CHRNA3: variants seen among roughly 807,000 people sequenced by gnomAD.
CHRNA3 encodes the protein neuronal acetylcholine receptor subunit alpha-3.
In CHRNA3, 34 loss-of-function variants were observed where a neutral mutation model predicts 41.9. The observed-to-expected ratio is 0.81, with a 90% CI of 0.62 to 1.08. The LOEUF is 1.08. Among genes scored for constraint, CHRNA3 ranks in the 50% least tolerant of loss-of-function variants. CHRNA3 has a pLI of 0.00. For synonymous variants in CHRNA3, 281 were observed against 265.2 expected (o/e 1.06, Z -0.58); for missense variants, 542 against 638.3 (o/e 0.85, Z 1.63).
intron 4 of CHRNA3, among the ~76,000 whole-genome samples, chr15:78,614,506 C>T (rs2141341821): frequency 6.6e-6 from 1 of 152,254 alleles, no homozygotes; most frequent in Middle Eastern, 3.4e-3. Context: ...TGAGTAAAGA[C>T]CCACTTTTGT....
downstream of CHRNA3, chr15:78,593,076 A>T (rs757656190): frequency 5.6e-6 from 9 of 1,596,240 alleles, no homozygotes; most frequent in East Asian, 6.7e-5. Flanking sequence ...ATGCATTTTT[A>T]TTTTTTTCCT....
Position 78,597,374 on chromosome 15 carries a change from T to C in CHRNA3, c.1390-642A>G, listed in dbSNP as rs1401301239. ...TGAACCCGGGAGGCGGAGGTTGCAG[T>C]GAGCAGAGATCACGCCACTGCACTC... is the stretch of plus-strand genomic sequence containing the variant. On this transcript the variant is annotated intron_variant, in intron 5 of 5. Coordinates refer to ENST00000326828, the MANE Select transcript of CHRNA3 (RefSeq NM_000743.5). Among the ~76,000 whole-genome samples the C allele has an allele frequency of 2.0e-5, 3 of 152,214 alleles. No individual in the cohort carries two copies. The East Asian group carries it at 5.8e-4, about 29-fold the overall frequency.
intron 4 of CHRNA3, among the ~76,000 whole-genome samples, chr15:78,613,195 T>C (rs969592848): frequency 9.9e-5 from 15 of 152,176 alleles, no homozygotes; most frequent in Admixed American, 9.8e-4. Context: ...AGAAATACCA[T>C]TTGACCCAGC....
At chr15:78,617,538 AC>A (rs1187951462) in intron 3 of CHRNA3, among the ~76,000 whole-genome samples, 1 of 151,800 alleles carries the variant, frequency 6.6e-6, no homozygotes, top group Non-Finnish European at 1.5e-5. Context: ...ACACTCTTTC[AC>A]CCCAAGGTTA....
At chr15:78,610,485 T>C (rs912545867) in intron 4 of CHRNA3, among the ~76,000 whole-genome samples, 2 of 152,214 alleles carry the variant, frequency 1.3e-5, no homozygotes, top group Admixed American at 1.3e-4. Context: ...ACTGGGTACA[T>C]AACGAAAGGT....
chr15:78,607,218 CAAAA>C (rs34822304), intron 4 of CHRNA3, among the ~76,000 whole-genome samples: 14 of 111,244 alleles, frequency 1.3e-4, no homozygotes, highest in Admixed American at 1.8e-4. Flanking sequence ...ACTCTGTCTC[CAAAA>C]AAAAAAAAAA....
intron 5 of CHRNA3, among the ~76,000 whole-genome samples, chr15:78,599,019 A>G (rs559548286): frequency 1.5e-3 from 225 of 150,472 alleles, no homozygotes; most frequent in African/African-American, 5.5e-3. Context: ...TTGTATTTTT[A>G]GTAGAGATGG....
At chr15:78,609,007 T>A (rs980381735) in intron 4 of CHRNA3, among the ~76,000 whole-genome samples, 1 of 151,894 alleles carries the variant, frequency 6.6e-6, no homozygotes, top group Non-Finnish European at 1.5e-5. Context: ...ATGAATGAAA[T>A]GAAGTGAGAA....
In CHRNA3 at chr15:78,595,373, G is replaced by A; in HGVS notation, c.*1231C>T. ...GTGAGACAAGATTCAAACAGTCTCT[G>A]TGAATCATCTGTCAGTGGTGATGAT... On this transcript the variant is annotated 3_prime_UTR_variant, in exon 6 of 6. Transcript: ENST00000326828. 1 of 648,944 alleles carries A rather than the reference G, an allele frequency of 1.5e-6. No homozygotes were observed. The highest frequency in any genetic ancestry group is 1.8e-6 in the Non-Finnish European group (1 of 542,510). The allele number at this position is 648,944 out of a possible 1,614,324, so 40.2% of individuals were successfully genotyped here.
chr15:78,614,574 C>G (rs2053434043), intron 4 of CHRNA3, among the ~76,000 whole-genome samples: 1 of 152,188 alleles, frequency 6.6e-6, no homozygotes, highest in Non-Finnish European at 1.5e-5. Context: ...CTAGTCCTGA[C>G]ACTAACTGTA....
intron 4 of CHRNA3, 124 bp from the exon 5 acceptor site, chr15:78,602,388 G>A: frequency 8.8e-7 from 1 of 1,134,186 alleles, no homozygotes. Flanking sequence ...GAGAGCTAAA[G>A]TGCCATAAAA....
intron 4 of CHRNA3, among the ~76,000 whole-genome samples, chr15:78,604,990 G>A (rs543515556): frequency 8.4e-6 from 1 of 118,616 alleles, no homozygotes; most frequent in Non-Finnish European, 1.8e-5. Context: ...TCCAGCCTGG[G>A]TGACAGAGTG....
chr15:78,611,004 T>TC (rs908586539), intron 4 of CHRNA3, among the ~76,000 whole-genome samples: 2 of 151,922 alleles, frequency 1.3e-5, no homozygotes, highest in African/African-American at 4.8e-5. Flanking sequence ...ACATACACTC[T>TC]CCCAAGACTA....
At chr15:78,612,267 T>A (rs1056501903) in intron 4 of CHRNA3, among the ~76,000 whole-genome samples, 1 of 150,470 alleles carries the variant, frequency 6.6e-6, no homozygotes, top group African/African-American at 2.5e-5. Flanking sequence ...AAGTCAATCC[T>A]AAGCCAAAAG....
intron 4 of CHRNA3, among the ~76,000 whole-genome samples, chr15:78,615,093 G>A (rs1239044801): frequency 6.6e-6 from 1 of 152,174 alleles, no homozygotes; most frequent in Non-Finnish European, 1.5e-5. Context: ...AGTCTTTTTA[G>A]TCCTGGACTC....
Position 78,595,462 on chromosome 15 carries a change from C to G in CHRNA3, c.*1142G>C, listed in dbSNP as rs2053089461. On this transcript the variant is annotated 3_prime_UTR_variant, in exon 6 of 6. Coordinates refer to ENST00000326828, the MANE Select transcript of CHRNA3 (RefSeq NM_000743.5). Reference sequence around the variant, plus strand: ...ACAATTTGTCTAAAGCAATGTTTCTCAACCAGGGGCAATTTTGCTCCTAAG... The same window carrying G: ...ACAATTTGTCTAAAGCAATGTTTCTGAACCAGGGGCAATTTTGCTCCTAAG... 3 of 975,010 alleles carry G rather than the reference C, an allele frequency of 3.1e-6. No individual in the cohort carries two copies. The highest frequency in any genetic ancestry group is 3.7e-6 in the Non-Finnish European group (3 of 820,568). The allele number at this position is 975,010 out of a possible 1,614,324, so 60.4% of individuals were successfully genotyped here. A position where few individuals can be genotyped will look rare whatever the true frequency, so the allele number is the denominator to read the frequency against.
chr15:78,604,286 C>T (rs886593700), intron 4 of CHRNA3, among the ~76,000 whole-genome samples: 1 of 152,156 alleles, frequency 6.6e-6, no homozygotes, highest in African/African-American at 2.4e-5. Context: ...TTAGAGAAAA[C>T]ATTTGCTAGC....
At chr15:78,615,210 G>C (rs2053442701) in intron 4 of CHRNA3, among the ~76,000 whole-genome samples, 1 of 152,186 alleles carries the variant, frequency 6.6e-6, no homozygotes, top group African/African-American at 2.4e-5. Flanking sequence ...CACATACTTG[G>C]GGGGCTATCA....
chr15:78,619,145 T>C, intron 1 of CHRNA3: 1 of 580,916 alleles, frequency 1.7e-6, no homozygotes, highest in Non-Finnish European at 3.1e-6. Context: ...GCACAGTGGT[T>C]GCAAGCCTGG....
Sources: allele counts gnomAD v4.1 joint callset (sites outside exome capture counted in the v4.1 genomes callset), GRCh38; gene constraint gnomAD v4.1.1; transcripts MANE v1.5; gene names NCBI Gene and HGNC (gene_info 2026-07-23, HGNC 2026-07-21).